The following CTPS1 variants were observed in gnomAD, a reference collection of about 807,000 sequenced individuals.
The protein encoded by CTPS1 is CTP synthase 1, also known as CTP synthetase 1.
Under a neutral mutation model 80.5 loss-of-function variants are expected in CTPS1, and 25 were observed. The observed-to-expected ratio is 0.31, with a 90% CI of 0.23 to 0.43. The LOEUF (loss-of-function observed/expected upper bound fraction) is 0.43. Ranked by LOEUF, CTPS1 falls within the 20% of genes least tolerant of loss-of-function variation. The pLI is 1.00. For synonymous variants in CTPS1, 267 were observed against 252.5 expected (o/e 1.06, Z -0.54); for missense variants, 442 against 725.7 (o/e 0.61, Z 4.49).
chr1:40,988,663 G>A lies in CTPS1; in HGVS notation c.508G>A (p.Val170Ile). 6.2e-7 allele frequency: 1 copy of A among 1,614,090 alleles called. No homozygotes were observed. Among genetic ancestry groups the A allele is most frequent in the Non-Finnish European group, 8.5e-7 (1 of 1,179,992 alleles). ...GGCCTTCCGTCAGTTCCAATTCAAG[G>A]TCAAAAGAGAGAACTTTTGTAACAT... ...IEAFRQFQFK[V>I]KRENFCNIHV... is the part of the protein sequence containing the mutation. The change falls in exon 5 of 19, where the codon GTC (valine) becomes ATC (isoleucine). Residue 170 changes from valine to isoleucine, a missense_variant. Physicochemically the swap from Val to Ile is conservative, Grantham distance 29. Around this residue, in one of 4 missense-constraint regions of CTPS1, gnomAD observed 27 missense variants for 83.6 expected, o/e 0.32. Coordinates refer to ENST00000650070, the MANE Select transcript of CTPS1 (RefSeq NM_001905.4).
At chr1:40,983,806 A>G (rs973286796) in intron 2 of CTPS1, among the ~76,000 whole-genome samples, 3 of 151,886 alleles carry the variant, frequency 2.0e-5, no homozygotes. Context: ...AATTTTTTGT[A>G]CAGGTGGGGT....
At chr1:41,003,292 GC>G (rs1388507893) in intron 12 of CTPS1, 116 bp downstream of exon 12, 35 of 1,091,504 alleles carry the variant, frequency 3.2e-5, no homozygotes, top group Non-Finnish European at 4.7e-5. Context: ...TGGGTTCCTA[GC>G]ACCTCATGGT....
Position 41,002,888 on chromosome 1 carries a change from G to A in CTPS1, c.1190-226G>A, listed in dbSNP as rs560643795. 1.2e-3 allele frequency among the ~76,000 whole-genome samples: 183 copies of A among 152,192 alleles called. 1 individual carries two copies. Among genetic ancestry groups the A allele is most frequent in the African/African-American group, 4.2e-3 (174 of 41,516 alleles). On this transcript the variant is annotated intron_variant, in intron 11 of 18. Coordinates refer to ENST00000650070, the MANE Select transcript of CTPS1 (RefSeq NM_001905.4). ...TAGAATATCACTTACTTCTAAAATC[G>A]GATAACTTTGCAAATCTAGAATTTT...
rs1642954789 is a variant in CTPS1 at position 41,003,311 on chromosome 1, A to G, written c.1252+135A>G. 30 of 884,130 alleles carry G rather than the reference A, an allele frequency of 3.4e-5. No individual in the cohort carries two copies. In the South Asian group the frequency reaches 4.5e-4, roughly 13 times the overall value. 54.8% of individuals were successfully genotyped at this position (884,130 alleles called of 1,614,324 possible). A position where few individuals can be genotyped will look rare whatever the true frequency, so the allele number is the denominator to read the frequency against. ...TTCCTAGCACCTCATGGTGTGCCGT[A>G]AGGGAGCTGCCTTGCCTCTTGAGGA... On this transcript the variant is annotated intron_variant, in intron 12 of 18. Transcript: ENST00000650070.
chr1:40,997,239 C>T, intron 8 of CTPS1, 155 bp from the exon 9 acceptor site: 1 of 821,592 alleles, frequency 1.2e-6, no homozygotes, highest in East Asian at 2.9e-5. Flanking sequence ...CAAGATCCCC[C>T]CGCCTCAGCC....
chr1:41,000,025 TAA>T (rs1455077274), intron 9 of CTPS1, among the ~76,000 whole-genome samples: 3 of 152,112 alleles, frequency 2.0e-5, no homozygotes, highest in Non-Finnish European at 4.4e-5. Flanking sequence ...AAACAACTGA[TAA>T]ACACAGCAAC....
Position 41,007,335 on chromosome 1 carries a change from A to T in CTPS1, c.1297-114A>T. ...CTGTGACAAAATGTCTCATAAGGAA[A>T]GCCTGGAGAATTAGAGCTTACTTAC... On this transcript the variant is annotated intron_variant, in intron 13 of 18. Coordinates refer to ENST00000650070, the MANE Select transcript of CTPS1 (RefSeq NM_001905.4). The surrounding 1 kb of genome is among the most constrained non-coding windows in gnomAD (Gnocchi z 4.4). 1.2e-6 allele frequency: 1 copy of T among 835,540 alleles called. No individual in the cohort carries two copies. The highest frequency in any genetic ancestry group is 1.9e-6 in the Non-Finnish European group (1 of 521,812). The allele number at this position is 835,540 out of a possible 1,614,324, so 51.8% of individuals were successfully genotyped here. A position where few individuals can be genotyped will look rare whatever the true frequency, so the allele number is the denominator to read the frequency against.
At chr1:41,008,427 G>GA (rs1300079882) in intron 14 of CTPS1, among the ~76,000 whole-genome samples, 10 of 152,282 alleles carry the variant, frequency 6.6e-5, no homozygotes, top group Admixed American at 3.9e-4. Context: ...GTGGTGGTGA[G>GA]AGTCTTGTTT....
At position 40,988,722 on chromosome 1, in the gene CTPS1, A is replaced by G. The variant is rs1267652986; in HGVS notation, c.555+12A>G. On this transcript the variant is annotated intron_variant, in intron 5 of 18. Transcript: ENST00000650070. ...GTCTAGTTCCCCAGGTAAGTAAGACATTGAAAGTTTTACTTTGGGGGAGAT... is the reference window on the plus strand; with the variant it reads ...GTCTAGTTCCCCAGGTAAGTAAGACGTTGAAAGTTTTACTTTGGGGGAGAT... The G allele has an allele frequency of 1.3e-6, 2 of 1,565,932 alleles. No homozygotes were observed. The highest frequency in any genetic ancestry group is 1.8e-6 in the Non-Finnish European group (2 of 1,136,794).
chr1:40,985,125 C>T (rs1470381976), intron 3 of CTPS1, 134 bp downstream of exon 3: 2 of 529,908 alleles, frequency 3.8e-6, no homozygotes, highest in Non-Finnish European at 5.9e-6. Flanking sequence ...GCATGAAACT[C>T]TCAAGGTATT....
At chr1:40,995,397 T>G (rs1034420224) in intron 7 of CTPS1, among the ~76,000 whole-genome samples, 1 of 129,598 alleles carries the variant, frequency 7.7e-6, no homozygotes, top group Non-Finnish European at 1.7e-5. Flanking sequence ...TTTTTGGGTG[T>G]TTTTTTTTTT....
At chr1:40,996,590 T>A (rs1428433876) in intron 8 of CTPS1, among the ~76,000 whole-genome samples, 1 of 152,212 alleles carries the variant, frequency 6.6e-6, no homozygotes, top group Non-Finnish European at 1.5e-5. Context: ...CTTCGTGTCT[T>A]AGAGCAATGG....
In CTPS1 at chr1:40,996,583, C is replaced by T. The variant is rs146773776; in HGVS notation, c.872+515C>T. Among the ~76,000 whole-genome samples, 9 of 152,324 alleles carry T rather than the reference C, an allele frequency of 5.9e-5. No homozygotes were observed. The East Asian group carries it at 7.7e-4, about 13-fold the overall frequency. On this transcript the variant is annotated intron_variant, in intron 8 of 18. Transcript: ENST00000650070. ...CACATTCCTTCAGAAATCTTCACTTCGTGTCTTAGAGCAATGGGCAGGCCT... is the reference window on the plus strand; with the variant it reads ...CACATTCCTTCAGAAATCTTCACTTTGTGTCTTAGAGCAATGGGCAGGCCT...
chr1:40,997,869 C>G (rs1204768713), intron 9 of CTPS1, among the ~76,000 whole-genome samples: 1 of 152,154 alleles, frequency 6.6e-6, no homozygotes, highest in African/African-American at 2.4e-5. Flanking sequence ...CTCTTGGAGA[C>G]TTTGTTGGCA....
At chr1:41,003,256 TC>T in intron 12 of CTPS1, 80 bp downstream of exon 12, 1 of 1,512,736 alleles carries the variant, frequency 6.6e-7, no homozygotes, top group Non-Finnish European at 9.2e-7. Context: ...GCCTGGGTGA[TC>T]AGGAGCTTTG....
Position 40,983,285 on chromosome 1 carries a change from A to G in CTPS1, c.-6A>G. 1.9e-6 allele frequency: 3 copies of G among 1,611,294 alleles called. No homozygotes were observed. The highest frequency in any genetic ancestry group is 2.5e-6 in the Non-Finnish European group (3 of 1,178,418). ...AATTTTTCCTTCTTCCAGGTCAAAG[A>G]GTAAAATGAAGTACATTCTGGTTAC... On this transcript the variant is annotated 5_prime_UTR_variant, in exon 2 of 19. Coordinates refer to ENST00000650070, the MANE Select transcript of CTPS1 (RefSeq NM_001905.4).
chr1:41,011,926 C>T lies in CTPS1; in HGVS notation c.*278C>T, dbSNP rs1643182821. 3 of 152,086 alleles carry T rather than the reference C, an allele frequency of 2.0e-5. No individual in the cohort carries two copies. The South Asian group carries it at 6.2e-4, about 32-fold the overall frequency. The allele number at this position is 152,086 out of a possible 1,614,324, so 9.4% of individuals were successfully genotyped here. A position where few individuals can be genotyped will look rare whatever the true frequency, so the allele number is the denominator to read the frequency against. ...GATGGTGGGTGGGGCTGCAGAGTGC[C>T]CCATCGGTCACCTTGTTTCTCAACT... is the stretch of plus-strand genomic sequence containing the variant. On this transcript the variant is annotated 3_prime_UTR_variant, in exon 19 of 19. Transcript: ENST00000650070.
chr1:41,000,423 T>G (rs1049652560), intron 9 of CTPS1, among the ~76,000 whole-genome samples: 44 of 151,624 alleles, frequency 2.9e-4, no homozygotes, highest in African/African-American at 1.0e-3. Flanking sequence ...TTTTTTTTTT[T>G]TGTATTTTTA....
In CTPS1 at chr1:40,983,261, A is replaced by T. The variant is rs556234590; in HGVS notation, c.-13-17A>T. On this transcript the variant is annotated splice_polypyrimidine_tract_variant and intron_variant, in intron 1 of 18. Coordinates refer to ENST00000650070, the MANE Select transcript of CTPS1 (RefSeq NM_001905.4). ...TTGAGATACATTTATATCATCTGTAATTTTTCCTTCTTCCAGGTCAAAGAG... is the reference window on the plus strand; with the variant it reads ...TTGAGATACATTTATATCATCTGTATTTTTTCCTTCTTCCAGGTCAAAGAG... The T allele has an allele frequency of 2.5e-6, 4 of 1,604,188 alleles. No individual in the cohort carries two copies. The African/African-American group carries it at 5.4e-5, about 21-fold the overall frequency.
Sources: gnomAD v4.1 joint callset for allele counts (sites outside exome capture counted in the v4.1 genomes callset) on GRCh38, gnomAD v4.1.1 for gene constraint, gnomAD v4.1.1 regional missense constraint, Gnocchi (gnomAD v3.1) non-coding constraint, MANE v1.5 for transcripts, NCBI Gene and HGNC (gene_info 2026-07-23, HGNC 2026-07-21) for gene names.